NELL1: variants seen among roughly 807,000 people sequenced by gnomAD.
The protein encoded by NELL1 is neural EGFL like 1, also known as protein kinase C-binding protein NELL1.
A neutral mutation model predicts 107.4 loss-of-function variants in NELL1; 76 were observed. The observed-to-expected ratio is 0.71, with a 90% CI of 0.59 to 0.86. The LOEUF is 0.86. NELL1 is among the 40% of genes least tolerant of loss of function. The pLI, the probability that NELL1 is intolerant of heterozygous loss-of-function variation, is 0.00. For missense variants in NELL1, 1,024 were observed against 1,005.5 expected, an observed-to-expected ratio of 1.02 and a Z score of -0.25; for synonymous variants, 353 against 341.2, an observed-to-expected ratio of 1.03 and a Z score of -0.38.
At chr11:21,180,441 C>T (rs1274385390) in intron 13 of NELL1, among the ~76,000 whole-genome samples, 1 of 151,776 alleles carries the variant, frequency 6.6e-6, no homozygotes, top group Non-Finnish European at 1.5e-5. Context: ...CACAGAGATT[C>T]TCTTTTGGCC....
At chr11:20,821,833 G>C (rs1263769778) in intron 3 of NELL1, among the ~76,000 whole-genome samples, 1 of 152,176 alleles carries the variant, frequency 6.6e-6, no homozygotes, top group Admixed American at 6.5e-5. Context: ...CTTCTCTCTT[G>C]TTCATTTGTA....
chr11:20,929,792 C>T (rs1850578752), intron 9 of NELL1, among the ~76,000 whole-genome samples: 1 of 151,824 alleles, frequency 6.6e-6, no homozygotes, highest in African/African-American at 2.4e-5. Context: ...GCCAACATGG[C>T]GAAATCCCGT....
At chr11:21,309,321 A>G (rs1389091485) in intron 14 of NELL1, among the ~76,000 whole-genome samples, 7 of 141,830 alleles carry the variant, frequency 4.9e-5, no homozygotes, top group African/African-American at 1.9e-4. Context: ...TAATATATAT[A>G]TATATTTCCT....
At chr11:21,521,336 T>C (rs1336651137) in intron 15 of NELL1, among the ~76,000 whole-genome samples, 5 of 152,222 alleles carry the variant, frequency 3.3e-5, no homozygotes, top group African/African-American at 4.8e-5. Flanking sequence ...TGTTTAATTC[T>C]GTTGGGACCA....
chr11:21,539,125 C>T (rs1856222165), intron 16 of NELL1, among the ~76,000 whole-genome samples: 1 of 152,020 alleles, frequency 6.6e-6, no homozygotes, highest in Non-Finnish European at 1.5e-5. Context: ...GTTCCCTGAC[C>T]CCCTTAGTAG....
intron 3 of NELL1, among the ~76,000 whole-genome samples, chr11:20,789,906 CTGA>C (rs1180731863): frequency 2.6e-5 from 4 of 152,126 alleles, no homozygotes; most frequent in Admixed American, 6.5e-5. Context: ...GCGGGTTATC[CTGA>C]TGTCTGCTTA....
chr11:20,770,805 C>T (rs180854525), intron 2 of NELL1: 4 of 152,310 alleles, frequency 2.6e-5, no homozygotes, highest in Admixed American at 6.5e-5. Flanking sequence ...GGTAGCTATT[C>T]ATCACTTAGT....
At chr11:21,320,997 G>A (rs1273603399) in intron 14 of NELL1, among the ~76,000 whole-genome samples, 2 of 152,130 alleles carry the variant, frequency 1.3e-5, no homozygotes, top group Admixed American at 6.6e-5. Flanking sequence ...TACATGTGGG[G>A]CAATCAATAC....
chr11:21,552,355 A>T (rs1171920787), intron 16 of NELL1, among the ~76,000 whole-genome samples: 1 of 151,844 alleles, frequency 6.6e-6, no homozygotes, highest in African/African-American at 2.4e-5. Context: ...AGTAGACAAA[A>T]TCATTTATCA....
chr11:21,033,767 T>C (rs1490968054), intron 12 of NELL1, among the ~76,000 whole-genome samples: 1 of 152,186 alleles, frequency 6.6e-6, no homozygotes, highest in Non-Finnish European at 1.5e-5. Flanking sequence ...AGTAATAGAA[T>C]TGCTGGGTCG....
chr11:20,762,835 G>T (rs1856451984), intron 2 of NELL1, among the ~76,000 whole-genome samples: 1 of 152,110 alleles, frequency 6.6e-6, no homozygotes, highest in Non-Finnish European at 1.5e-5. Flanking sequence ...TGGTATGCCT[G>T]GTATGGGGGG....
At chr11:21,567,301 C>T (rs1348017150) in intron 17 of NELL1, among the ~76,000 whole-genome samples, 2 of 151,750 alleles carry the variant, frequency 1.3e-5, no homozygotes, top group Non-Finnish European at 2.9e-5. Context: ...AAATATATTA[C>T]TGAGTTAAAA....
intron 13 of NELL1, among the ~76,000 whole-genome samples, chr11:21,136,631 G>A (rs1855749873): frequency 6.6e-6 from 1 of 152,142 alleles, no homozygotes; most frequent in Non-Finnish European, 1.5e-5. Context: ...TGAGTCATTT[G>A]CAAATAATTT....
intron 12 of NELL1, among the ~76,000 whole-genome samples, chr11:20,984,117 C>A (rs1225537464): frequency 1.3e-5 from 2 of 152,156 alleles, no homozygotes; most frequent in Non-Finnish European, 2.9e-5. Flanking sequence ...TTCCAATATG[C>A]ATTCTCCTAG....
intron 4 of NELL1, among the ~76,000 whole-genome samples, chr11:20,858,881 G>C (rs1048310245): frequency 4.6e-5 from 7 of 152,192 alleles, no homozygotes; most frequent in Non-Finnish European, 7.3e-5. Flanking sequence ...AAGCTCCCCT[G>C]TGACTTTGGC....
intron 4 of NELL1, among the ~76,000 whole-genome samples, chr11:20,867,599 C>G (rs1849119418): frequency 6.6e-6 from 1 of 152,186 alleles, no homozygotes; most frequent in South Asian, 2.1e-4. Flanking sequence ...ACTTGCTGAT[C>G]TCTGGGTATC....
intron 14 of NELL1, among the ~76,000 whole-genome samples, chr11:21,252,263 G>A (rs1858658358): frequency 1.3e-5 from 2 of 152,224 alleles, no homozygotes; most frequent in Non-Finnish European, 2.9e-5. Flanking sequence ...TGAGAATAGG[G>A]ACCAAGGAAG....
chr11:20,921,331 CT>C (rs1342044947), intron 7 of NELL1, among the ~76,000 whole-genome samples: 4 of 152,106 alleles, frequency 2.6e-5, no homozygotes, highest in Non-Finnish European at 4.4e-5. Context: ...TTTATATCCC[CT>C]GTCACTTTAA....
At chr11:21,465,237 A>T (rs1312722413) in intron 15 of NELL1, among the ~76,000 whole-genome samples, 2 of 152,120 alleles carry the variant, frequency 1.3e-5, no homozygotes, top group Non-Finnish European at 2.9e-5. Flanking sequence ...TCTATTTCAG[A>T]TATTAGACTC....
Sources: gnomAD v4.1 joint callset for allele counts (sites outside exome capture counted in the v4.1 genomes callset) on GRCh38, gnomAD v4.1.1 for gene constraint, MANE v1.5 for transcripts, NCBI Gene and HGNC (gene_info 2026-07-23, HGNC 2026-07-21) for gene names.